CPPED1: variants seen among roughly 807,000 people sequenced by gnomAD.
CPPED1 encodes serine/threonine-protein phosphatase CPPED1.
In CPPED1, 28 loss-of-function variants were observed where a neutral mutation model predicts 28.0. The observed-to-expected ratio is 1.00, with a 90% CI of 0.74 to 1.37. The LOEUF (loss-of-function observed/expected upper bound fraction) is 1.37. Ranked by LOEUF, CPPED1 falls within the 40% of genes most tolerant of loss-of-function variation. CPPED1 has a pLI of 0.00. For synonymous variants in CPPED1, 198 were observed against 180.2 expected (o/e 1.10, Z -0.79); for missense variants, 504 against 416.5 (o/e 1.21, Z -1.83).
intron 2 of CPPED1, among the ~76,000 whole-genome samples, chr16:12,720,008 C>CACACACACACACAT (rs1475777546): frequency 6.6e-6 from 1 of 151,426 alleles, no homozygotes; most frequent in Non-Finnish European, 1.5e-5. Flanking sequence ...ACTATGTGCA[C>CACACACACACACAT]ACACACACAC....
rs1246090428 is a variant in CPPED1 at position 12,662,346 on chromosome 16, T to G, written c.*2540A>C. 6.6e-6 allele frequency: 1 copy of G among 152,222 alleles called. No homozygotes were observed. Among genetic ancestry groups the G allele is most frequent in the Non-Finnish European group, 1.5e-5 (1 of 68,044 alleles). 9.4% of individuals were successfully genotyped at this position (152,222 alleles called of 1,614,324 possible). ...TGGGAAATACTGCTGTTTGCTTACT[T>G]AAAAAGTGGTGAGAAATTAATATGA... On this transcript the variant is annotated 3_prime_UTR_variant, in exon 4 of 4. Transcript: ENST00000381774.
At chr16:12,691,594 A>G (rs970802489) in intron 3 of CPPED1, among the ~76,000 whole-genome samples, 1 of 152,196 alleles carries the variant, frequency 6.6e-6, no homozygotes, top group African/African-American at 2.4e-5. Flanking sequence ...CTGGATTAAG[A>G]AAATGTGGCA....
intron 3 of CPPED1, among the ~76,000 whole-genome samples, chr16:12,699,358 A>C (rs1223004384): frequency 6.6e-6 from 1 of 152,094 alleles, no homozygotes; most frequent in East Asian, 1.9e-4. Context: ...ACTGAGCTTC[A>C]AAAGTAGAAA....
intron 1 of CPPED1, among the ~76,000 whole-genome samples, chr16:12,795,980 G>C (rs2080625275): frequency 6.6e-6 from 1 of 151,868 alleles, no homozygotes; most frequent in Non-Finnish European, 1.5e-5. Flanking sequence ...CTACTTGGGA[G>C]TCCGAGGCAG....
intron 2 of CPPED1, among the ~76,000 whole-genome samples, chr16:12,745,324 A>G (rs111853718): frequency 0.049 from 7,474 of 152,316 alleles, 627 homozygotes; most frequent in African/African-American, 0.17. Flanking sequence ...TACCAGGTAC[A>G]TACCCAGAGG....
At chr16:12,694,926 C>T (rs575689349) in intron 3 of CPPED1, among the ~76,000 whole-genome samples, 139 of 151,994 alleles carry the variant, frequency 9.1e-4, no homozygotes, top group Non-Finnish European at 1.3e-3. Context: ...TACAGGTGTG[C>T]GCCACCACAC....
intron 2 of CPPED1, among the ~76,000 whole-genome samples, chr16:12,726,386 A>C (rs1333203818): frequency 7.5e-6 from 1 of 134,154 alleles, no homozygotes; most frequent in Non-Finnish European, 1.5e-5. Context: ...TCTGTTGCCC[A>C]GGCTGGAGTG....
intron 2 of CPPED1, 119 bp downstream of exon 2, chr16:12,781,066 A>T: frequency 2.6e-6 from 2 of 772,108 alleles, no homozygotes; most frequent in East Asian, 2.7e-5. Context: ...TCATGAAGCG[A>T]AAGAACGGTC....
intron 1 of CPPED1, among the ~76,000 whole-genome samples, chr16:12,783,416 T>C (rs1275606901): frequency 6.6e-6 from 1 of 152,094 alleles, no homozygotes; most frequent in Non-Finnish European, 1.5e-5. Context: ...AGAGGAATAC[T>C]TTAACCTGGG....
rs188221342 is a variant in CPPED1, at chr16:12,739,350, C to T, written c.290-34301G>A. Among the ~76,000 whole-genome samples the T allele has an allele frequency of 6.5e-3, 989 of 152,154 alleles. 2 individuals carry two copies. The highest frequency in any genetic ancestry group is 0.011 in the Non-Finnish European group (748 of 67,998). On this transcript the variant is annotated intron_variant, in intron 2 of 3. Transcript: ENST00000381774. ...ATCACAGCACTTTGGGAGGCTGAGG[C>T]GGGTGGATCACCTGAGGTCAGGAGT...
intron 1 of CPPED1, among the ~76,000 whole-genome samples, chr16:12,803,298 C>G (rs556332822): frequency 3.9e-5 from 6 of 152,340 alleles, no homozygotes; most frequent in Admixed American, 3.3e-4. Flanking sequence ...AACCGACACC[C>G]TCTAACATGC....
intron 2 of CPPED1, among the ~76,000 whole-genome samples, chr16:12,718,538 T>C (rs1296488360): frequency 8.5e-6 from 1 of 117,806 alleles, no homozygotes. Context: ...GACTCTGTCT[T>C]AAAAAAAAAA....
chr16:12,780,135 A>G (rs1315431420), intron 2 of CPPED1, among the ~76,000 whole-genome samples: 1 of 152,112 alleles, frequency 6.6e-6, no homozygotes, highest in Non-Finnish European at 1.5e-5. Context: ...GAAGGGGGCC[A>G]TGTGAGCCAG....
chr16:12,729,784 A>G (rs2080188173), intron 2 of CPPED1, among the ~76,000 whole-genome samples: 1 of 152,218 alleles, frequency 6.6e-6, no homozygotes, highest in African/African-American at 2.4e-5. Context: ...GGAAACTCTC[A>G]AGGACAAACA....
rs369941937 is a variant in CPPED1 at position 12,764,313 on chromosome 16, C to T, written c.289+16872G>A. 6.9e-4 allele frequency among the ~76,000 whole-genome samples: 105 copies of T among 152,140 alleles called. 1 individual carries two copies. The highest frequency in any genetic ancestry group is 3.4e-3 in the Middle Eastern group (1 of 294). The stretch of plus-strand genomic sequence containing the variant: ...CCACTTCCCAAGTTCAAGCGATTCT[C>T]GTGCCTCAGCCTCCCAAGTAGCTGC... On this transcript the variant is annotated intron_variant, in intron 2 of 3. Transcript: ENST00000381774.
intron 2 of CPPED1, among the ~76,000 whole-genome samples, chr16:12,705,591 C>G (rs2080045768): frequency 6.6e-6 from 1 of 152,186 alleles, no homozygotes; most frequent in Non-Finnish European, 1.5e-5. Flanking sequence ...AACCCCGTCT[C>G]TACTAAAAAT....
chr16:12,680,047 C>T (rs2079897075), intron 3 of CPPED1, among the ~76,000 whole-genome samples: 1 of 152,156 alleles, frequency 6.6e-6, no homozygotes, highest in East Asian at 1.9e-4. Context: ...CATAATAAGA[C>T]AACCTTTGTT....
chr16:12,794,289 G>C (rs1188899265), intron 1 of CPPED1, among the ~76,000 whole-genome samples: 2 of 152,092 alleles, frequency 1.3e-5, no homozygotes, highest in African/African-American at 4.8e-5. Context: ...GTACACCTCT[G>C]TGAATACACT....
rs183617197 is a variant in CPPED1, at chr16:12,687,955, G to A, written c.715+16669C>T. 2.6e-5 allele frequency among the ~76,000 whole-genome samples: 4 copies of A among 151,048 alleles called. No individual in the cohort carries two copies. The East Asian group carries it at 7.8e-4, about 29-fold the overall frequency. On this transcript the variant is annotated intron_variant, in intron 3 of 3. Transcript: ENST00000381774. The stretch of plus-strand genomic sequence containing the variant: ...AACAAAAGAATGAAGGAAGAAGGAG[G>A]GAAGGAAGAAGAAGGAGGAATGGAA...
Sources: gnomAD v4.1 joint callset for allele counts (sites outside exome capture counted in the v4.1 genomes callset) on GRCh38, gnomAD v4.1.1 for gene constraint, MANE v1.5 for transcripts, NCBI Gene and HGNC (gene_info 2026-07-23, HGNC 2026-07-21) for gene names.